Variants in ANXA8 observed in about 807,000 individuals in gnomAD.
ANXA8 encodes annexin A8.
In ANXA8, 9 loss-of-function variants were observed where a neutral mutation model predicts 26.8. The observed-to-expected ratio is 0.34, with a 90% CI of 0.20 to 0.59. The LOEUF is 0.59. Ranked by LOEUF, ANXA8 falls within the 20% of genes least tolerant of loss-of-function variation. The pLI is 0.84. For missense variants in ANXA8, 83 were observed against 238.5 expected, an observed-to-expected ratio of 0.35 and a Z score of 4.29; for synonymous variants, 39 against 94.8, an observed-to-expected ratio of 0.41 and a Z score of 3.42.
upstream of ANXA8, among the ~76,000 whole-genome samples, chr10:47,485,404 G>A (rs1279037343): frequency 9.2e-5 from 14 of 151,852 alleles, no homozygotes; most frequent in African/African-American, 2.4e-4. Context: ...TTTGGGTCAG[G>A]AGAATTTGAA....
At chr10:47,595,766 G>T in the ANXA8 span, among the ~76,000 whole-genome samples, 1 of 148,654 alleles carries the variant, frequency 6.7e-6, no homozygotes, top group Non-Finnish European at 1.5e-5. Flanking sequence ...GATACATAAA[G>T]AAATCACTAC....
the ANXA8 span, among the ~76,000 whole-genome samples, chr10:47,709,951 ATAT>A: frequency 1.6e-4 from 15 of 96,104 alleles, no homozygotes; most frequent in South Asian, 5.8e-3. Context: ...ATAGAAAATG[ATAT>A]TATTAACAAA....
chr10:47,645,046 C>G, the ANXA8 span, among the ~76,000 whole-genome samples: 2 of 151,834 alleles, frequency 1.3e-5, no homozygotes, highest in African/African-American at 4.8e-5. Context: ...ATCCTGATAT[C>G]TGTCTTTCTT....
the ANXA8 span, among the ~76,000 whole-genome samples, chr10:47,560,723 A>T: frequency 6.6e-6 from 1 of 152,018 alleles, no homozygotes; most frequent in Non-Finnish European, 1.5e-5. Context: ...ACAGCGCCTG[A>T]CTATTTTCCT....
chr10:47,492,223 C>T, the ANXA8 span, among the ~76,000 whole-genome samples: 7 of 150,558 alleles, frequency 4.6e-5, no homozygotes, highest in African/African-American at 4.8e-5. Flanking sequence ...GAGCAGTTTG[C>T]GGCCTCCATG....
At chr10:47,503,895 G>A in the ANXA8 span, among the ~76,000 whole-genome samples, 8 of 78,114 alleles carry the variant, frequency 1.0e-4, no homozygotes, top group African/African-American at 1.9e-4. Flanking sequence ...AGCCAAGATC[G>A]CGCGATTGCA....
At chr10:47,777,591 C>T in the ANXA8 span, among the ~76,000 whole-genome samples, 1 of 152,182 alleles carries the variant, frequency 6.6e-6, no homozygotes, top group African/African-American at 2.4e-5. Flanking sequence ...AAAAACACAC[C>T]CACCAAATCC....
chr10:47,941,533 G>A, the ANXA8 span, among the ~76,000 whole-genome samples: 4 of 146,790 alleles, frequency 2.7e-5, no homozygotes, highest in Admixed American at 6.7e-5. Flanking sequence ...CATGTGCCTC[G>A]AGTCCCAGCA....
the ANXA8 span, among the ~76,000 whole-genome samples, chr10:47,524,004 A>C: frequency 7.2e-6 from 1 of 138,456 alleles, no homozygotes; most frequent in African/African-American, 2.8e-5. Flanking sequence ...ACCCCTCCCC[A>C]ACAGCTCAGA....
chr10:47,720,512 G>C, the ANXA8 span, among the ~76,000 whole-genome samples: 3 of 146,782 alleles, frequency 2.0e-5, no homozygotes, highest in African/African-American at 7.6e-5. Context: ...AATAAATGTT[G>C]TATGGTAAAA....
chr10:47,619,534 A>G, the ANXA8 span, among the ~76,000 whole-genome samples: 1 of 116,526 alleles, frequency 8.6e-6, no homozygotes, highest in Non-Finnish European at 1.9e-5. Flanking sequence ...TGCAAGTTCA[A>G]TCAGTTATTC....
Position 47,476,278 on chromosome 10 carries a change from A to G in ANXA8, c.366T>C (p.Ser122=). The change falls in exon 5 of 12, where the codon TCT becomes TCC. Residue 122 remains serine (S), a synonymous_variant. Coordinates refer to ENST00000585281, the MANE Select transcript of ANXA8 (RefSeq NM_001040084.3). ...TCTCCCGCAGCTGGTTCTTGGTCCG[A>G]GAGGCCAGGATCTCAATGATGACAC... ...KEGVIIEILA[S]RTKNQLREIM... The G allele has an allele frequency of 1.8e-6, 1 of 563,474 alleles. No individual in the cohort carries two copies. The highest frequency in any genetic ancestry group is 2.6e-6 in the Non-Finnish European group (1 of 384,538). The allele number at this position is 563,474 out of a possible 1,614,324, so 34.9% of individuals were successfully genotyped here.
At chr10:47,696,155 TA>T in the ANXA8 span, among the ~76,000 whole-genome samples, 1 of 151,900 alleles carries the variant, frequency 6.6e-6, no homozygotes, top group East Asian at 1.9e-4. Context: ...AAACCTTTTT[TA>T]TATAGAGCAG....
At chr10:47,971,303 T>G in the ANXA8 span, among the ~76,000 whole-genome samples, 1 of 151,254 alleles carries the variant, frequency 6.6e-6, no homozygotes, top group Non-Finnish European at 1.5e-5. Flanking sequence ...CTTTCTTGTA[T>G]CAGTGAAGGA....
chr10:47,681,522 ACTTTTTTT>A, the ANXA8 span, among the ~76,000 whole-genome samples: 1 of 82,916 alleles, frequency 1.2e-5, no homozygotes, highest in African/African-American at 4.6e-5. Context: ...TTTTATTTTT[ACTTTTTTT>A]TTTTTTTTTT....
rs1354073854 is a variant in ANXA8 at position 47,476,428 on chromosome 10, C to T, written c.322-106G>A. 8 of 791,436 alleles carry T rather than the reference C, an allele frequency of 1.0e-5. 1 individual carries two copies. The highest frequency in any genetic ancestry group is 3.8e-5 in the African/African-American group (2 of 52,494). 49.0% of individuals were successfully genotyped at this position (791,436 alleles called of 1,614,324 possible). ...TGAGCCTCAGGAAGGACCTCACTGCCCTGCCCCACTTGAAGTGGGAGGATG... is the reference window on the plus strand; with the variant it reads ...TGAGCCTCAGGAAGGACCTCACTGCTCTGCCCCACTTGAAGTGGGAGGATG... On this transcript the variant is annotated intron_variant, in intron 4 of 11. Coordinates refer to ENST00000585281, the MANE Select transcript of ANXA8 (RefSeq NM_001040084.3).
chr10:47,949,514 C>G, the ANXA8 span, among the ~76,000 whole-genome samples: 1 of 150,272 alleles, frequency 6.7e-6, no homozygotes, highest in Non-Finnish European at 1.5e-5. Context: ...AGGCTTTTCT[C>G]ATTTTTAAAT....
At chr10:47,965,996 C>A in the ANXA8 span, among the ~76,000 whole-genome samples, 5 of 122,310 alleles carry the variant, frequency 4.1e-5, no homozygotes, top group Middle Eastern at 4.0e-3. Flanking sequence ...GCCCCTCCCC[C>A]CAACCTCCAG....
the ANXA8 span, among the ~76,000 whole-genome samples, chr10:47,968,346 G>A: frequency 6.7e-6 from 1 of 149,818 alleles, no homozygotes; most frequent in African/African-American, 2.4e-5. Flanking sequence ...AGGGGCCAGA[G>A]CTTCTGCCTC....
Sources: allele counts gnomAD v4.1 joint callset (sites outside exome capture counted in the v4.1 genomes callset), GRCh38; gene constraint gnomAD v4.1.1; transcripts MANE v1.5; gene names NCBI Gene and HGNC (gene_info 2026-07-23, HGNC 2026-07-21).